SOX5: variants seen among roughly 807,000 people sequenced by gnomAD.
SOX5 encodes SRY-box transcription factor 5, also known as transcription factor SOX-5.
SOX5 carries 9 observed loss-of-function variants against 92.0 expected under a neutral mutation model. The observed-to-expected ratio is 0.10, with a 90% CI of 0.06 to 0.17. The LOEUF is 0.17. Ranked by LOEUF, SOX5 falls within the 10% of genes least tolerant of loss-of-function variation. The probability of loss-of-function intolerance (pLI) is 1.00; values close to 1 mark genes in which losing one functional copy is unlikely to be tolerated. For missense variants in SOX5, 642 were observed against 944.5 expected, an observed-to-expected ratio of 0.68 and a Z score of 4.20; for synonymous variants, 344 against 336.3, an observed-to-expected ratio of 1.02 and a Z score of -0.25.
intron 3 of SOX5, among the ~76,000 whole-genome samples, chr12:24,231,108 G>C (rs1437200896): frequency 2.0e-5 from 3 of 152,202 alleles, no homozygotes; most frequent in African/African-American, 7.2e-5. Context: ...AGCCAGCTCT[G>C]ACCTTTGTTA....
chr12:23,659,160 A>G (rs528461346), intron 7 of SOX5, among the ~76,000 whole-genome samples: 1 of 152,276 alleles, frequency 6.6e-6, no homozygotes, highest in Non-Finnish European at 1.5e-5. Context: ...AGTCTCCTAA[A>G]ATGCCAGACA....
At chr12:23,556,417 C>G (rs1051636647) in intron 11 of SOX5, among the ~76,000 whole-genome samples, 1 of 151,978 alleles carries the variant, frequency 6.6e-6, no homozygotes, top group African/African-American at 2.4e-5. Flanking sequence ...AAATAATATA[C>G]GCTCACTTTA....
At chr12:24,340,308 C>A (rs2141061710) in intron 2 of SOX5, among the ~76,000 whole-genome samples, 1 of 152,318 alleles carries the variant, frequency 6.6e-6, no homozygotes, top group South Asian at 2.1e-4. Context: ...TTATCCCAAA[C>A]CTAGTATTAG....
At chr12:23,801,397 A>G (rs969480043) in intron 3 of SOX5, among the ~76,000 whole-genome samples, 2 of 152,148 alleles carry the variant, frequency 1.3e-5, no homozygotes. Context: ...AGTTTTTTAA[A>G]GGTGGCAATC....
chr12:23,607,800 T>A (rs2075428903), intron 8 of SOX5, among the ~76,000 whole-genome samples: 1 of 152,180 alleles, frequency 6.6e-6, no homozygotes, highest in South Asian at 2.1e-4. Context: ...TACGTATGTA[T>A]GCCTGTATGT....
intron 2 of SOX5, among the ~76,000 whole-genome samples, chr12:23,856,430 C>G (rs551932602): frequency 6.6e-6 from 1 of 152,186 alleles, no homozygotes; most frequent in African/African-American, 2.4e-5. Context: ...GGCACTGTTG[C>G]AAATGTTCTA....
rs538898114 is a variant in SOX5 at position 23,598,555 on chromosome 12, C to T, written c.1164+5832G>A. ...CTGGGACTACAGGCGCCTGCCACCA[C>T]GCCCGGCTAATTTTTTGTATTTTTT... On this transcript the variant is annotated intron_variant, in intron 9 of 14. Coordinates refer to ENST00000451604, the MANE Select transcript of SOX5 (RefSeq NM_006940.6). 1.2e-3 allele frequency among the ~76,000 whole-genome samples: 188 copies of T among 151,646 alleles called. 1 individual carries two copies. The highest frequency in any genetic ancestry group is 1.8e-3 in the Non-Finnish European group (122 of 67,882).
intron 4 of SOX5, among the ~76,000 whole-genome samples, chr12:24,095,464 A>ATTTAT (rs1945294133): frequency 8.6e-5 from 9 of 104,848 alleles, no homozygotes; most frequent in African/African-American, 3.1e-4. Context: ...TATTTATTTA[A>ATTTAT]TTTTATTCTC....
intron 4 of SOX5, among the ~76,000 whole-genome samples, chr12:24,131,956 G>A (rs1190058926): frequency 6.6e-6 from 1 of 152,036 alleles, no homozygotes; most frequent in Non-Finnish European, 1.5e-5. Flanking sequence ...GGCTAATTCA[G>A]ACTTACTGAA....
chr12:23,534,829 C>T (rs891293705), intron 14 of SOX5, among the ~76,000 whole-genome samples: 21 of 151,808 alleles, frequency 1.4e-4, no homozygotes, highest in African/African-American at 4.6e-4. Context: ...CCTGCCTCAG[C>T]CCCCCAAGTA....
At chr12:24,199,460 C>T (rs897700611) in intron 4 of SOX5, among the ~76,000 whole-genome samples, 3 of 152,158 alleles carry the variant, frequency 2.0e-5, no homozygotes, top group Admixed American at 6.5e-5. Context: ...TATGTCTGAA[C>T]GGATGACTTC....
At chr12:24,389,463 T>C (rs908426257) in intron 1 of SOX5, among the ~76,000 whole-genome samples, 4 of 152,350 alleles carry the variant, frequency 2.6e-5, no homozygotes, top group African/African-American at 9.6e-5. Context: ...GTGCAAGATA[T>C]GCAGGTTAGG....
intron 1 of SOX5, among the ~76,000 whole-genome samples, chr12:24,440,106 G>C (rs1470188426): frequency 6.6e-6 from 1 of 152,156 alleles, no homozygotes; most frequent in African/African-American, 2.4e-5. Flanking sequence ...GGAGAAGGGG[G>C]AGAAGTAAGA....
chr12:23,901,866 T>C (rs541987588), intron 1 of SOX5, among the ~76,000 whole-genome samples: 1 of 152,332 alleles, frequency 6.6e-6, no homozygotes, highest in South Asian at 2.1e-4. Context: ...GATTAAATCT[T>C]ATAGGACAAG....
intron 1 of SOX5, among the ~76,000 whole-genome samples, chr12:24,400,026 C>T (rs1044746332): frequency 6.6e-6 from 1 of 152,096 alleles, no homozygotes; most frequent in Admixed American, 6.5e-5. Context: ...GAAATATACC[C>T]ATTAAAAGAT....
chr12:23,563,416 C>G lies in SOX5; in HGVS notation c.1343-13G>C. The G allele has an allele frequency of 6.2e-7, 1 of 1,612,052 alleles. No homozygotes were observed. Among genetic ancestry groups the G allele is most frequent in the Non-Finnish European group, 8.5e-7 (1 of 1,178,806 alleles). ...TCATTTAAGTAACCTGAACATGAGA[C>G]AGATCAAAGGATATCTTTTGTATAA... is the stretch of plus-strand genomic sequence containing the variant. On this transcript the variant is annotated splice_polypyrimidine_tract_variant and intron_variant, in intron 10 of 14. Coordinates refer to ENST00000451604, the MANE Select transcript of SOX5 (RefSeq NM_006940.6).
At chr12:24,078,322 C>T (rs1942905479) in intron 4 of SOX5, among the ~76,000 whole-genome samples, 1 of 151,804 alleles carries the variant, frequency 6.6e-6, no homozygotes. Context: ...GGAGGAGGTA[C>T]CTGAAAAAGG....
intron 1 of SOX5, among the ~76,000 whole-genome samples, chr12:24,533,862 G>C (rs1438872721): frequency 6.6e-6 from 1 of 152,112 alleles, no homozygotes; most frequent in Non-Finnish European, 1.5e-5. Context: ...GAATGCAAAT[G>C]GTTCTGACTA....
chr12:24,509,232 A>G (rs1177149478), intron 1 of SOX5, among the ~76,000 whole-genome samples: 4 of 152,240 alleles, frequency 2.6e-5, no homozygotes, highest in Non-Finnish European at 5.9e-5. Flanking sequence ...ATTCTACAAA[A>G]GCAAATCCTT....
Sources: gnomAD v4.1 joint callset for allele counts (sites outside exome capture counted in the v4.1 genomes callset) on GRCh38, gnomAD v4.1.1 for gene constraint, MANE v1.5 for transcripts, NCBI Gene and HGNC (gene_info 2026-07-23, HGNC 2026-07-21) for gene names.